The following DAB1 variants were observed in gnomAD, a reference collection of about 807,000 sequenced individuals.
DAB1 encodes disabled homolog 1.
In DAB1, 15 loss-of-function variants were observed where a neutral mutation model predicts 64.6. The observed-to-expected ratio is 0.23, with a 90% CI of 0.16 to 0.36. The LOEUF (loss-of-function observed/expected upper bound fraction) is 0.36. DAB1 is among the 10% of genes least tolerant of loss of function. The pLI, the probability that DAB1 is intolerant of heterozygous loss-of-function variation, is 1.00. For synonymous variants in DAB1, 235 were observed against 251.9 expected (o/e 0.93, Z 0.64); for missense variants, 596 against 706.7 (o/e 0.84, Z 1.78).
chr1:58,257,885 C>T (rs954853930), intron 4 of DAB1, among the ~76,000 whole-genome samples: 37 of 152,174 alleles, frequency 2.4e-4, no homozygotes, highest in Non-Finnish European at 3.4e-4. Context: ...CAGCTTCTAC[C>T]GAGTGACAGG....
At chr1:57,262,076 C>T (rs1020344971) in intron 2 of DAB1, among the ~76,000 whole-genome samples, 1 of 152,138 alleles carries the variant, frequency 6.6e-6, no homozygotes, top group Non-Finnish European at 1.5e-5. Context: ...AGCTGGTCAA[C>T]AGGGGAAACA....
intron 1 of DAB1, among the ~76,000 whole-genome samples, chr1:57,318,357 C>T (rs1218971221): frequency 6.6e-6 from 1 of 152,070 alleles, no homozygotes; most frequent in Non-Finnish European, 1.5e-5. Context: ...ACTAAGTAAA[C>T]AAAATGTCAC....
chr1:57,039,030 G>C (rs1267629696), intron 9 of DAB1, among the ~76,000 whole-genome samples: 1 of 152,170 alleles, frequency 6.6e-6, no homozygotes, highest in Admixed American at 6.5e-5. Context: ...AAACTAATTT[G>C]CTTGCAAGTG....
At chr1:58,162,053 T>TC (rs1655565610) in intron 4 of DAB1, among the ~76,000 whole-genome samples, 1 of 152,106 alleles carries the variant, frequency 6.6e-6, no homozygotes, top group Non-Finnish European at 1.5e-5. Flanking sequence ...TGAGACAGGT[T>TC]ATTTAGGGGG....
chr1:58,388,475 T>G (rs1365308343), intron 3 of DAB1, among the ~76,000 whole-genome samples: 1 of 152,212 alleles, frequency 6.6e-6, no homozygotes, highest in African/African-American at 2.4e-5. Context: ...GCAGCCTTGA[T>G]GCTTAGAAAT....
chr1:57,888,992 G>C (rs1032077817), upstream of DAB1, among the ~76,000 whole-genome samples: 3 of 152,190 alleles, frequency 2.0e-5, no homozygotes, highest in African/African-American at 7.2e-5. Flanking sequence ...TGATGGCAAG[G>C]AGTGTGCGAT....
At chr1:57,502,800 G>A (rs1399823883) in intron 7 of DAB1, among the ~76,000 whole-genome samples, 1 of 152,142 alleles carries the variant, frequency 6.6e-6, no homozygotes, top group Non-Finnish European at 1.5e-5. Context: ...CTGTGCTGAA[G>A]TTTCTTGCTG....
intron 3 of DAB1, among the ~76,000 whole-genome samples, chr1:58,469,762 C>G (rs1335400257): frequency 1.3e-5 from 2 of 152,226 alleles, no homozygotes; most frequent in Non-Finnish European, 2.9e-5. Context: ...GCTGGAAACT[C>G]TCTCTGCCGG....
At chr1:57,575,701 G>C (rs1237606630) in intron 7 of DAB1, among the ~76,000 whole-genome samples, 1 of 152,166 alleles carries the variant, frequency 6.6e-6, no homozygotes, top group East Asian at 1.9e-4. Context: ...ACCTAAGACT[G>C]TCTAATCCCC....
At chr1:58,506,274 C>T (rs980051918) in intron 2 of DAB1, 1 of 747,354 alleles carries the variant, frequency 1.3e-6, no homozygotes, top group South Asian at 1.8e-5. Flanking sequence ...AAAACTACTA[C>T]TTTATTTTTT....
chr1:58,365,888 T>A (rs1303599870), intron 3 of DAB1, among the ~76,000 whole-genome samples: 1 of 152,144 alleles, frequency 6.6e-6, no homozygotes, highest in Non-Finnish European at 1.5e-5. Flanking sequence ...TTGTGACAGT[T>A]GGTATGAAGA....
chr1:57,449,586 C>T (rs1363039900), intron 7 of DAB1, among the ~76,000 whole-genome samples: 1 of 151,940 alleles, frequency 6.6e-6, no homozygotes, highest in African/African-American at 2.4e-5. Context: ...GTTATGTTGC[C>T]CAGGCTGGTC....
intron 6 of DAB1, among the ~76,000 whole-genome samples, chr1:57,782,235 C>T (rs919731235): frequency 6.6e-6 from 1 of 152,094 alleles, no homozygotes; most frequent in African/African-American, 2.4e-5. Flanking sequence ...GATCTTAAAA[C>T]TAGAGAATAA....
chr1:57,420,917 C>T (rs924204189), intron 1 of DAB1, among the ~76,000 whole-genome samples: 2 of 152,172 alleles, frequency 1.3e-5, no homozygotes, highest in African/African-American at 4.8e-5. Flanking sequence ...ATCTAAGAGA[C>T]ATAAACTGTG....
chr1:57,610,682 G>C (rs1268412202), intron 7 of DAB1, among the ~76,000 whole-genome samples: 3 of 152,302 alleles, frequency 2.0e-5, no homozygotes, highest in African/African-American at 7.2e-5. Context: ...GGCAGCAGGA[G>C]AGAGAGTGAA....
intron 1 of DAB1, among the ~76,000 whole-genome samples, chr1:57,404,158 G>A (rs1432533581): frequency 2.0e-5 from 3 of 152,052 alleles, no homozygotes; most frequent in African/African-American, 7.2e-5. Context: ...TATGATACAG[G>A]CATGTAAAAA....
chr1:58,455,797 G>A (rs772572812), intron 3 of DAB1, among the ~76,000 whole-genome samples: 6 of 152,202 alleles, frequency 3.9e-5, no homozygotes, highest in Non-Finnish European at 8.8e-5. Flanking sequence ...CTGATTCTGT[G>A]GTTGAACAAG....
intron 3 of DAB1, among the ~76,000 whole-genome samples, chr1:58,458,804 G>A (rs1179395569): frequency 6.6e-6 from 1 of 151,120 alleles, no homozygotes; most frequent in East Asian, 2.0e-4. Context: ...GACAGACAAA[G>A]ATTCTGTCTC....
At chr1:57,640,693 A>G (rs1234589111) in intron 7 of DAB1, among the ~76,000 whole-genome samples, 2 of 152,240 alleles carry the variant, frequency 1.3e-5, no homozygotes, top group Non-Finnish European at 2.9e-5. Flanking sequence ...AGGACTCACT[A>G]AAAGAGAAGA....
Sources: allele counts gnomAD v4.1 joint callset (sites outside exome capture counted in the v4.1 genomes callset), GRCh38; gene constraint gnomAD v4.1.1; transcripts MANE v1.5; gene names NCBI Gene and HGNC (gene_info 2026-07-23, HGNC 2026-07-21).